The following SRGAP3 variants were observed in gnomAD, a reference collection of about 807,000 sequenced individuals.
The protein encoded by SRGAP3 is SLIT-ROBO Rho GTPase activating protein 3.
SRGAP3 carries 39 observed loss-of-function variants against 121.1 expected under a neutral mutation model. The ratio of observed to expected loss-of-function variants is 0.32; its 90% CI spans 0.25 to 0.42. SRGAP3 has a LOEUF of 0.42. Ranked by LOEUF, SRGAP3 falls within the 10% of genes least tolerant of loss-of-function variation. The probability of loss-of-function intolerance (pLI) is 1.00; values close to 1 mark genes in which losing one functional copy is unlikely to be tolerated. For missense variants in SRGAP3, 1,213 were observed against 1,470.6 expected (o/e 0.82, Z 2.86); for synonymous variants, 601 against 570.0 (o/e 1.05, Z -0.77).
intron 4 of SRGAP3, 143 bp from the exon 5 acceptor site, chr3:9,064,724 T>A (rs1683542979): frequency 2.3e-6 from 2 of 854,978 alleles, no homozygotes; most frequent in Non-Finnish European, 3.6e-6. Flanking sequence ...CCTGCCTTCC[T>A]TTACTTTTGC....
chr3:9,360,479 C>T (rs376535478), intron 1 of SRGAP3, among the ~76,000 whole-genome samples: 12 of 152,216 alleles, frequency 7.9e-5, no homozygotes, highest in East Asian at 7.7e-4. Context: ...AATTTTTTGA[C>T]GAAAGGCTAA....
intron 3 of SRGAP3, among the ~76,000 whole-genome samples, chr3:9,277,042 T>C (rs1162641019): frequency 6.6e-6 from 1 of 152,248 alleles, no homozygotes; most frequent in Non-Finnish European, 1.5e-5. Context: ...TCTGTGTGCC[T>C]CATTTTCTCA....
chr3:9,071,374 G>A (rs925969557), intron 4 of SRGAP3, among the ~76,000 whole-genome samples: 2 of 152,096 alleles, frequency 1.3e-5, no homozygotes, highest in African/African-American at 2.4e-5. Flanking sequence ...GGGTGGGCAT[G>A]AGACCCTGGC....
chr3:9,315,244 A>C (rs1955324287), intron 3 of SRGAP3, among the ~76,000 whole-genome samples: 1 of 151,724 alleles, frequency 6.6e-6, no homozygotes, highest in South Asian at 2.1e-4. Context: ...CTCCCACCCA[A>C]CCTTTTCCCA....
chr3:9,104,147 G>A (rs1948322640), intron 3 of SRGAP3, among the ~76,000 whole-genome samples: 1 of 152,124 alleles, frequency 6.6e-6, no homozygotes, highest in Non-Finnish European at 1.5e-5. Flanking sequence ...TATTGATGTG[G>A]GAAAATGTAA....
At chr3:9,009,697 G>A (rs561580165) in intron 18 of SRGAP3, among the ~76,000 whole-genome samples, 2 of 152,220 alleles carry the variant, frequency 1.3e-5, no homozygotes, top group African/African-American at 2.4e-5. Context: ...TCTGGAAGGG[G>A]TGGAGGAATC....
chr3:9,001,379 A>C (rs1379059541), intron 18 of SRGAP3, among the ~76,000 whole-genome samples: 1 of 152,222 alleles, frequency 6.6e-6, no homozygotes, highest in African/African-American at 2.4e-5. Flanking sequence ...CTGTCCATCA[A>C]AAATTAAATA....
intron 1 of SRGAP3, among the ~76,000 whole-genome samples, chr3:9,343,831 G>A (rs746980065): frequency 1.1e-4 from 17 of 152,142 alleles, no homozygotes; most frequent in Non-Finnish European, 1.3e-4. Flanking sequence ...ATCATGCCCA[G>A]CTAATTTTTG....
chr3:9,284,288 G>A (rs1169518170), intron 3 of SRGAP3, among the ~76,000 whole-genome samples: 1 of 152,190 alleles, frequency 6.6e-6, no homozygotes, highest in East Asian at 1.9e-4. Context: ...TAAAAGATGT[G>A]TGCCTAAAAG....
At position 9,058,370 on chromosome 3, in the gene SRGAP3, T is replaced by C. The variant is rs1484102266; in HGVS notation, c.904A>G (p.Ile302Val). The change falls in exon 7 of 22, where the codon ATT becomes GTT. Residue 302 changes from isoleucine to valine, a missense_variant. Physicochemically the swap from Ile to Val is conservative, Grantham distance 29 (BLOSUM62 3). This residue lies in a region of SRGAP3 where 793 missense variants were observed against 1,032.9 expected (regional missense o/e 0.77). Coordinates refer to ENST00000383836, the MANE Select transcript of SRGAP3 (RefSeq NM_014850.4). ...TCCAGGTTGTCCACTGCATTCTCAA[T>C]GACATCCAGCCCTTCGTGGCGAGAG... ...ETSRHEGLDV[I>V]ENAVDNLDSR... is the part of the protein sequence containing the mutation. 1.2e-6 allele frequency: 2 copies of C among 1,614,104 alleles called. No homozygotes were observed. The highest frequency in any genetic ancestry group is 1.7e-6 in the Non-Finnish European group (2 of 1,180,046).
At chr3:9,016,074 A>G (rs1244562856) in intron 14 of SRGAP3, 1 of 332,276 alleles carries the variant, frequency 3.0e-6, no homozygotes, top group Non-Finnish European at 5.7e-6. Context: ...AAAACACACC[A>G]CCGCTAACTA....
chr3:9,249,221 C>T lies in SRGAP3; in HGVS notation c.-270G>A, dbSNP rs1319743728. On this transcript the variant is annotated 5_prime_UTR_variant, in exon 1 of 22. Coordinates refer to ENST00000383836, the MANE Select transcript of SRGAP3 (RefSeq NM_014850.4). The stretch of plus-strand genomic sequence containing the variant: ...ATCACCCTAGGAGCACAGTAACCTG[C>T]CCCAGATTTTCAAAGATTTTTCTTC... 5 of 541,960 alleles carry T rather than the reference C, an allele frequency of 9.2e-6. No individual in the cohort carries two copies. Among genetic ancestry groups the T allele is most frequent in the Non-Finnish European group, 1.7e-5 (5 of 301,500 alleles). The allele number at this position is 541,960 out of a possible 1,614,324, so 33.6% of individuals were successfully genotyped here. A position where few individuals can be genotyped will look rare whatever the true frequency, so the allele number is the denominator to read the frequency against.
upstream of SRGAP3, among the ~76,000 whole-genome samples, chr3:9,250,941 GT>G (rs1953998807): frequency 1.3e-5 from 2 of 152,212 alleles, no homozygotes; most frequent in Non-Finnish European, 2.9e-5. Flanking sequence ...TCACTAATGT[GT>G]ATTGGCCCCT....
chr3:9,013,177 G>A lies in SRGAP3; in HGVS notation c.2147+131C>T. 3.4e-6 allele frequency: 3 copies of A among 875,938 alleles called. No homozygotes were observed. In the East Asian group the frequency reaches 7.9e-5, roughly 23 times the overall value. The allele number at this position is 875,938 out of a possible 1,614,324, so 54.3% of individuals were successfully genotyped here. A position where few individuals can be genotyped will look rare whatever the true frequency, so the allele number is the denominator to read the frequency against. The stretch of plus-strand genomic sequence containing the variant: ...ATCTCTCATGTGAAGCTGCTGTGAA[G>A]CTCAGATGAGAAAATGTATATGGAA... On this transcript the variant is annotated intron_variant, in intron 17 of 21. Transcript: ENST00000383836.
At chr3:9,195,294 G>T (rs562566056) in intron 1 of SRGAP3, among the ~76,000 whole-genome samples, 2 of 152,208 alleles carry the variant, frequency 1.3e-5, no homozygotes, top group Non-Finnish European at 2.9e-5. Flanking sequence ...AACTTTACAT[G>T]ATTTAATTGT....
At chr3:9,279,986 C>A (rs1326094183) in intron 3 of SRGAP3, among the ~76,000 whole-genome samples, 1 of 152,204 alleles carries the variant, frequency 6.6e-6, no homozygotes, top group Non-Finnish European at 1.5e-5. Flanking sequence ...CCAAAAGACC[C>A]AAGCTATTGG....
intron 1 of SRGAP3, among the ~76,000 whole-genome samples, chr3:9,241,536 G>C (rs537060500): frequency 6.6e-6 from 1 of 152,234 alleles, no homozygotes; most frequent in South Asian, 2.1e-4. Flanking sequence ...CATCTACCAA[G>C]GAAATGCAAG....
At chr3:9,182,737 G>A (rs1430041706) in intron 1 of SRGAP3, among the ~76,000 whole-genome samples, 2 of 152,174 alleles carry the variant, frequency 1.3e-5, no homozygotes, top group African/African-American at 2.4e-5. Flanking sequence ...CACTGCAGCC[G>A]TGAACTCTTG....
chr3:8,989,681 CA>C (rs1304884112), intron 21 of SRGAP3, among the ~76,000 whole-genome samples: 1 of 152,080 alleles, frequency 6.6e-6, no homozygotes, highest in Non-Finnish European at 1.5e-5. Flanking sequence ...ATAGAACTGT[CA>C]AAAAACCCAT....
Sources: allele counts gnomAD v4.1 joint callset (sites outside exome capture counted in the v4.1 genomes callset), GRCh38; gene constraint gnomAD v4.1.1; regional missense constraint gnomAD v4.1.1; transcripts MANE v1.5; gene names NCBI Gene and HGNC (gene_info 2026-07-23, HGNC 2026-07-21).